TNR: variants seen among roughly 807,000 people sequenced by gnomAD.
The protein encoded by TNR is tenascin R.
TNR carries 45 observed loss-of-function variants against 150.4 expected under a neutral mutation model. The observed-to-expected ratio is 0.30, with a 90% confidence interval of 0.24 to 0.38. TNR has a LOEUF of 0.38. TNR is among the 10% of genes least tolerant of loss of function. The pLI is 1.00. For missense variants in TNR, 1,544 were observed against 1,759.1 expected, an observed-to-expected ratio of 0.88 and a Z score of 2.19; for synonymous variants, 687 against 678.4, an observed-to-expected ratio of 1.01 and a Z score of -0.20.
intron 1 of TNR, among the ~76,000 whole-genome samples, chr1:175,531,447 A>G (rs1034617965): frequency 6.6e-6 from 1 of 152,220 alleles, no homozygotes; most frequent in African/African-American, 2.4e-5. Flanking sequence ...AGGTAGTCAT[A>G]TATTCCTGCA....
At chr1:175,505,240 G>T (rs1658907616) in intron 2 of TNR, among the ~76,000 whole-genome samples, 1 of 152,214 alleles carries the variant, frequency 6.6e-6, no homozygotes, top group Non-Finnish European at 1.5e-5. Flanking sequence ...GAGCGGCTCT[G>T]CGCCACAGTA....
chr1:175,668,494 A>G (rs1212582557), intron 1 of TNR, among the ~76,000 whole-genome samples: 1 of 152,130 alleles, frequency 6.6e-6, no homozygotes, highest in Non-Finnish European at 1.5e-5. Context: ...AGACTCACCC[A>G]CTGGGTACTG....
intron 2 of TNR, among the ~76,000 whole-genome samples, chr1:175,438,067 C>T: frequency 6.6e-6 from 1 of 152,038 alleles, no homozygotes; most frequent in Non-Finnish European, 1.5e-5. Flanking sequence ...CTGGCAGAGA[C>T]ACAATAAAAA....
Position 175,403,990 on chromosome 1 carries a change from C to T in TNR, c.500-374G>A, listed in dbSNP as rs141357491. 5.8e-3 allele frequency among the ~76,000 whole-genome samples: 879 copies of T among 152,238 alleles called. 3 individuals are homozygous for T. Among genetic ancestry groups the T allele is most frequent in the South Asian group, 0.022 (105 of 4,820 alleles). On this transcript the variant is annotated intron_variant, in intron 3 of 22. Transcript: ENST00000367674. ...GAAGAGTGGAAAGTTGGGAAGGGAA[C>T]GTGCTCAAGCCCAGGTGCATTATCA...
chr1:175,652,880 T>C (rs1054972030), intron 1 of TNR, among the ~76,000 whole-genome samples: 4 of 152,060 alleles, frequency 2.6e-5, no homozygotes, highest in African/African-American at 9.7e-5. Context: ...AAGCTGTGAG[T>C]AGAAAATTCA....
At chr1:175,640,924 T>C (rs985260413) in intron 1 of TNR, among the ~76,000 whole-genome samples, 13 of 152,142 alleles carry the variant, frequency 8.5e-5, no homozygotes, top group Non-Finnish European at 1.8e-4. Context: ...TATGAGATTA[T>C]GTAACTGCCT....
chr1:175,715,892 G>A (rs957937367), intron 1 of TNR, among the ~76,000 whole-genome samples: 5 of 152,160 alleles, frequency 3.3e-5, no homozygotes, highest in South Asian at 2.1e-4. Context: ...TGTTTCTGGC[G>A]AGGGAGAGCT....
intron 1 of TNR, among the ~76,000 whole-genome samples, chr1:175,616,609 GC>G (rs1201075360): frequency 1.3e-5 from 2 of 152,188 alleles, no homozygotes; most frequent in Non-Finnish European, 2.9e-5. Context: ...ACGGGGCTCA[GC>G]ACAGGCAAGG....
At chr1:175,624,874 G>A (rs930906223) in intron 1 of TNR, among the ~76,000 whole-genome samples, 2 of 152,066 alleles carry the variant, frequency 1.3e-5, no homozygotes, top group Admixed American at 6.6e-5. Context: ...TTCACCATGG[G>A]GTCACTAGAG....
chr1:175,403,751 T>C, intron 3 of TNR, 135 bp from the exon 4 acceptor site: 1 of 722,006 alleles, frequency 1.4e-6, no homozygotes, highest in Non-Finnish European at 2.3e-6. Context: ...TCAACGTAGT[T>C]TGGTACATAT....
intron 1 of TNR, among the ~76,000 whole-genome samples, chr1:175,666,626 G>A (rs181527473): frequency 5.4e-4 from 82 of 152,374 alleles, no homozygotes; most frequent in Admixed American, 2.0e-3. Context: ...CAGGACGAAC[G>A]TCGGACTGGC....
intron 1 of TNR, among the ~76,000 whole-genome samples, chr1:175,537,889 G>A (rs1162715787): frequency 1.3e-5 from 2 of 152,178 alleles, no homozygotes; most frequent in Non-Finnish European, 2.9e-5. Flanking sequence ...ACTGGTGGTG[G>A]GGGGCGGTTC....
intron 5 of TNR, among the ~76,000 whole-genome samples, chr1:175,395,911 T>C (rs931898713): frequency 1.3e-5 from 2 of 152,218 alleles, no homozygotes; most frequent in African/African-American, 4.8e-5. Context: ...GTTCATTTCT[T>C]ATGGAGAGCA....
chr1:175,676,675 C>T (rs1665875197), intron 1 of TNR, among the ~76,000 whole-genome samples: 1 of 152,190 alleles, frequency 6.6e-6, no homozygotes, highest in South Asian at 2.1e-4. Flanking sequence ...GGAAAAAATC[C>T]TATTTCTCCC....
chr1:175,323,624 A>G, intron 22 of TNR, 148 bp from the exon 23 acceptor site: 1 of 1,149,146 alleles, frequency 8.7e-7, no homozygotes, highest in Non-Finnish European at 1.2e-6. Flanking sequence ...AGTTCCCAAT[A>G]AAGTGAAAGG....
At chr1:175,468,121 C>T (rs536512550) in intron 2 of TNR, among the ~76,000 whole-genome samples, 6 of 152,258 alleles carry the variant, frequency 3.9e-5, no homozygotes, top group African/African-American at 7.2e-5. Context: ...GTCTTGATTT[C>T]GGGAAAGCTG....
chr1:175,641,850 C>T (rs936165738), intron 1 of TNR, among the ~76,000 whole-genome samples: 2 of 151,998 alleles, frequency 1.3e-5, no homozygotes, highest in Non-Finnish European at 2.9e-5. Flanking sequence ...ATGAGTTATC[C>T]GAGGTGCTGG....
At chr1:175,579,524 G>C (rs1662264862) in intron 1 of TNR, among the ~76,000 whole-genome samples, 2 of 151,824 alleles carry the variant, frequency 1.3e-5, no homozygotes, top group African/African-American at 4.8e-5. Flanking sequence ...AATGTGGTGG[G>C]AGCTGAGGAT....
intron 2 of TNR, among the ~76,000 whole-genome samples, chr1:175,507,515 G>T (rs1388531867): frequency 3.9e-5 from 6 of 152,052 alleles, no homozygotes; most frequent in Admixed American, 1.3e-4. Context: ...GATAGCCCTT[G>T]CTTTCTTGTC....
Sources: gnomAD v4.1 joint callset for allele counts (sites outside exome capture counted in the v4.1 genomes callset) on GRCh38, gnomAD v4.1.1 for gene constraint, MANE v1.5 for transcripts, NCBI Gene and HGNC (gene_info 2026-07-23, HGNC 2026-07-21) for gene names.